CD96: variants seen among roughly 807,000 people sequenced by gnomAD.
The protein encoded by CD96 is T-cell surface protein tactile.
A neutral mutation model predicts 71.3 loss-of-function variants in CD96; 70 were observed. The ratio of observed to expected loss-of-function variants is 0.98; its 90% CI spans 0.81 to 1.20. CD96 has a LOEUF of 1.20. Ranked by LOEUF, CD96 falls within the 50% of genes most tolerant of loss-of-function variation. CD96 has a pLI of 0.00. For synonymous variants in CD96, 248 were observed against 233.0 expected (o/e 1.06, Z -0.59); for missense variants, 742 against 677.5 (o/e 1.10, Z -1.06).
At chr3:111,578,463 G>C (rs1195018001) in intron 3 of CD96, among the ~76,000 whole-genome samples, 1 of 152,230 alleles carries the variant, frequency 6.6e-6, no homozygotes, top group East Asian at 1.9e-4. Flanking sequence ...GCAAGGAGCT[G>C]CCCCAGGGCA....
rs1037840987 is a variant in CD96, at chr3:111,557,160, G to C, written c.419-10363G>C. ...TTTTCTCCCATTTTGTAGGTTGCCTGTTCACTCTGATGGTAGTTTCTTTTG... is the reference window on the plus strand; with the variant it reads ...TTTTCTCCCATTTTGTAGGTTGCCTCTTCACTCTGATGGTAGTTTCTTTTG... On this transcript the variant is annotated intron_variant, in intron 2 of 13. Coordinates refer to ENST00000352690, the MANE Select transcript of CD96 (RefSeq NM_005816.5). Among the ~76,000 whole-genome samples the C allele has an allele frequency of 1.0e-4, 11 of 110,344 alleles. No homozygotes were observed. In the Admixed American group the frequency reaches 1.0e-3, roughly 10 times the overall value. The allele number at this position is 110,344 out of a possible 152,430, so 72.4% of individuals were successfully genotyped here. A position where few individuals can be genotyped will look rare whatever the true frequency, so the allele number is the denominator to read the frequency against.
At chr3:111,564,122 G>A (rs1935589513) in intron 2 of CD96, among the ~76,000 whole-genome samples, 1 of 151,476 alleles carries the variant, frequency 6.6e-6, no homozygotes, top group Non-Finnish European at 1.5e-5. Flanking sequence ...GTCCATTCTG[G>A]GTCTATTTTC....
chr3:111,662,218 G>A (rs979297259), intron 14 of CD96, among the ~76,000 whole-genome samples: 2 of 152,224 alleles, frequency 1.3e-5, no homozygotes, highest in African/African-American at 4.8e-5. Flanking sequence ...ATGTACCAAG[G>A]CTGCACAGAG....
chr3:111,600,105 T>C (rs1937426268), intron 6 of CD96, among the ~76,000 whole-genome samples: 1 of 152,142 alleles, frequency 6.6e-6, no homozygotes, highest in Non-Finnish European at 1.5e-5. Context: ...GGAGACAACA[T>C]AGCAAAAAGA....
At chr3:111,598,396 G>A (rs1937352094) in intron 6 of CD96, among the ~76,000 whole-genome samples, 186 bp downstream of exon 6, 1 of 152,086 alleles carries the variant, frequency 6.6e-6, no homozygotes, top group Non-Finnish European at 1.5e-5. Flanking sequence ...GGGGTGGAGT[G>A]TAACATTTTC....
intron 2 of CD96, among the ~76,000 whole-genome samples, chr3:111,560,175 G>T (rs1472431390): frequency 6.6e-6 from 1 of 151,554 alleles, no homozygotes; most frequent in Non-Finnish European, 1.5e-5. Flanking sequence ...TTGCCAGTCT[G>T]TGTCTTTTAA....
In CD96 at chr3:111,635,662, A is replaced by C. The variant is rs576701428; in HGVS notation, c.1322-1534A>C. Among the ~76,000 whole-genome samples, 88 of 152,338 alleles carry C rather than the reference A, an allele frequency of 5.8e-4. 2 individuals carry two copies. Among genetic ancestry groups the C allele is most frequent in the Non-Finnish European group, 5.7e-4 (39 of 68,026 alleles). ...GTGTCCACACATCATTAACCATTAC[A>C]AAATGTTCTATATTGACTCACTGAT... is the stretch of plus-strand genomic sequence containing the variant. On this transcript the variant is annotated intron_variant, in intron 10 of 13. Coordinates refer to ENST00000352690, the MANE Select transcript of CD96 (RefSeq NM_005816.5).
intron 8 of CD96, among the ~76,000 whole-genome samples, chr3:111,620,242 T>A (rs1938454178): frequency 6.6e-6 from 1 of 152,244 alleles, no homozygotes. Context: ...GTCTGGTTGA[T>A]GTCCATCTCC....
chr3:111,606,530 T>A (rs1009517498), intron 7 of CD96, among the ~76,000 whole-genome samples, 170 bp from the exon 8 acceptor site: 1 of 152,200 alleles, frequency 6.6e-6, no homozygotes, highest in Non-Finnish European at 1.5e-5. Context: ...GACGATCCCA[T>A]GTCTTCCTCA....
intron 10 of CD96, among the ~76,000 whole-genome samples, chr3:111,636,509 T>C (rs1425292080): frequency 1.3e-5 from 2 of 152,238 alleles, no homozygotes; most frequent in African/African-American, 4.8e-5. Context: ...AATACAGATA[T>C]GTGGTGTCTG....
At position 111,586,735 on chromosome 3, in the gene CD96, C is replaced by G. The variant is rs144533991; in HGVS notation, c.807+1357C>G. On this transcript the variant is annotated intron_variant, in intron 5 of 13. Coordinates refer to ENST00000352690, the MANE Select transcript of CD96 (RefSeq NM_005816.5). ...AGATCTCATGAGACTTACTCACTAT[C>G]ATGATAACAGCACAGGAAAGTCCCC... Among the ~76,000 whole-genome samples, 69 of 152,266 alleles carry G rather than the reference C, an allele frequency of 4.5e-4. 1 individual carries two copies. In the East Asian group the frequency reaches 9.5e-3, roughly 21 times the overall value.
intron 3 of CD96, among the ~76,000 whole-genome samples, chr3:111,577,315 G>A (rs142304501): frequency 2.8e-4 from 43 of 152,088 alleles, no homozygotes; most frequent in Admixed American, 2.7e-3. Context: ...GCTGCCAAAC[G>A]TACCTGTGCC....
At chr3:111,644,984 C>T (rs1439508473) in intron 12 of CD96, among the ~76,000 whole-genome samples, 1 of 152,152 alleles carries the variant, frequency 6.6e-6, no homozygotes, top group African/African-American at 2.4e-5. Context: ...GTAGAGCCAT[C>T]ATTTGATCCA....
In CD96 at chr3:111,585,388, A is replaced by G. The variant is rs778450375; in HGVS notation, c.807+10A>G. ...GGATGTCTTGGTAGAGGTGAGTCAC[A>G]TAAAAGCCTTTGAAAATCTACAGTA... On this transcript the variant is annotated intron_variant, in intron 5 of 13. Transcript: ENST00000352690. The G allele has an allele frequency of 1.6e-5, 25 of 1,572,102 alleles. No individual in the cohort carries two copies. The East Asian group carries it at 4.9e-4, about 31-fold the overall frequency.
At chr3:111,625,117 G>A (rs1471191159) in intron 10 of CD96, among the ~76,000 whole-genome samples, 4 of 152,184 alleles carry the variant, frequency 2.6e-5, no homozygotes, top group Admixed American at 1.3e-4. Flanking sequence ...CCTTTGGAAA[G>A]CATTTAAGTT....
At chr3:111,567,314 A>T (rs1935763728) in intron 2 of CD96, among the ~76,000 whole-genome samples, 1 of 152,186 alleles carries the variant, frequency 6.6e-6, no homozygotes, top group Non-Finnish European at 1.5e-5. Context: ...GTAATTTTTC[A>T]GTGTTTAGCA....
chr3:111,641,166 A>G (rs1330842505), intron 12 of CD96, among the ~76,000 whole-genome samples: 1 of 152,274 alleles, frequency 6.6e-6, no homozygotes, highest in Non-Finnish European at 1.5e-5. Context: ...TACTGAATGT[A>G]AATGGCCTAA....
chr3:111,544,999 T>C (rs761555063), intron 1 of CD96, 47 bp from the exon 2 acceptor site: 2 of 1,505,822 alleles, frequency 1.3e-6, no homozygotes, highest in East Asian at 2.3e-5. Context: ...TTAAGCGTCA[T>C]TCTATGTGAA....
intron 8 of CD96, among the ~76,000 whole-genome samples, chr3:111,613,495 C>T (rs998015258): frequency 6.6e-6 from 1 of 152,166 alleles, no homozygotes; most frequent in African/African-American, 2.4e-5. Flanking sequence ...GGTCAGTGCC[C>T]ACGTTATCCT....
Sources: allele counts gnomAD v4.1 joint callset (sites outside exome capture counted in the v4.1 genomes callset), GRCh38; gene constraint gnomAD v4.1.1; transcripts MANE v1.5; gene names NCBI Gene and HGNC (gene_info 2026-07-23, HGNC 2026-07-21).